RAB3GAP1: variants seen among roughly 807,000 people sequenced by gnomAD.
RAB3GAP1 encodes the protein rab3 GTPase-activating protein catalytic subunit.
Under a neutral mutation model 130.7 loss-of-function variants are expected in RAB3GAP1, and 86 were observed. The ratio of observed to expected loss-of-function variants is 0.66; its 90% CI spans 0.55 to 0.79. RAB3GAP1 has a LOEUF of 0.79. Ranked by LOEUF, RAB3GAP1 falls within the 30% of genes least tolerant of loss-of-function variation. The pLI is 0.00. For synonymous variants in RAB3GAP1, 367 were observed against 401.7 expected (o/e 0.91, Z 1.03); for missense variants, 1,029 against 1,169.4 (o/e 0.88, Z 1.75).
At chr2:135,161,472 TATTA>T (rs1223395700) in intron 19 of RAB3GAP1, among the ~76,000 whole-genome samples, 1 of 152,078 alleles carries the variant, frequency 6.6e-6, no homozygotes, top group African/African-American at 2.4e-5. Flanking sequence ...GTAAACAATA[TATTA>T]TTTAAGGCTA....
intron 19 of RAB3GAP1, among the ~76,000 whole-genome samples, chr2:135,155,818 T>C (rs1692295546): frequency 6.6e-6 from 1 of 151,040 alleles, no homozygotes; most frequent in Admixed American, 6.6e-5. Flanking sequence ...AAAAGTCAAA[T>C]CAAAAGAAAA....
At chr2:135,095,837 A>G (rs1690278017) in intron 5 of RAB3GAP1, among the ~76,000 whole-genome samples, 2 of 152,198 alleles carry the variant, frequency 1.3e-5, no homozygotes, top group Non-Finnish European at 2.9e-5. Flanking sequence ...CTTAGTAGTC[A>G]TCTTGGTTAT....
chr2:135,112,842 A>T lies in RAB3GAP1; in HGVS notation c.363-309A>T, dbSNP rs1286464147. Among the ~76,000 whole-genome samples the T allele has an allele frequency of 8.4e-3, 1,197 of 141,982 alleles. 15 individuals carry two copies. The highest frequency in any genetic ancestry group is 0.028 in the African/African-American group (1,109 of 39,116). The allele number at this position is 141,982 out of a possible 152,430, so 93.1% of individuals were successfully genotyped here. On this transcript the variant is annotated intron_variant, in intron 5 of 23. Transcript: ENST00000264158. ...CTCTCTCTCTCTCTCTCTCACACAC[A>T]CACACACACACACACACACACACAC...
chr2:135,171,468 T>G (rs548608306), downstream of RAB3GAP1, among the ~76,000 whole-genome samples: 1 of 152,276 alleles, frequency 6.6e-6, no homozygotes, highest in South Asian at 2.1e-4. Flanking sequence ...CAATGTGTTT[T>G]TTAATCCACC....
intron 17 of RAB3GAP1, among the ~76,000 whole-genome samples, chr2:135,147,225 A>G (rs1353580721): frequency 2.0e-5 from 3 of 152,014 alleles, no homozygotes; most frequent in Non-Finnish European, 4.4e-5. Context: ...GCATGTCTGT[A>G]GCCCCAGCAA....
intron 19 of RAB3GAP1, among the ~76,000 whole-genome samples, chr2:135,155,766 T>A (rs537424530): frequency 6.6e-6 from 1 of 151,602 alleles, no homozygotes; most frequent in African/African-American, 2.4e-5. Flanking sequence ...AACAAAAGGA[T>A]GAAAATAAAT....
chr2:135,108,219 T>C (rs1690689449), intron 5 of RAB3GAP1, among the ~76,000 whole-genome samples: 1 of 152,110 alleles, frequency 6.6e-6, no homozygotes, highest in Non-Finnish European at 1.5e-5. Context: ...ATATAGTATT[T>C]AGTATACATA....
chr2:135,072,522 CAA>C (rs1689504855), intron 3 of RAB3GAP1, among the ~76,000 whole-genome samples: 1 of 152,116 alleles, frequency 6.6e-6, no homozygotes, highest in South Asian at 2.1e-4. Context: ...TAGTTAGACA[CAA>C]CATAGGGAAC....
downstream of RAB3GAP1, among the ~76,000 whole-genome samples, chr2:135,172,515 A>G (rs1692882345): frequency 6.6e-6 from 1 of 151,974 alleles, no homozygotes; most frequent in African/African-American, 2.4e-5. Context: ...AACTAGTGAG[A>G]CGAGGGGAGG....
At chr2:135,162,300 T>C (rs1692484845) in intron 19 of RAB3GAP1, 1 of 435,062 alleles carries the variant, frequency 2.3e-6, no homozygotes, top group Non-Finnish European at 4.1e-6. Context: ...GTAGTTTTTA[T>C]TTTCTTTGTA....
Position 135,089,838 on chromosome 2 carries a change from A to G in RAB3GAP1, c.151-1160A>G, listed in dbSNP as rs1341858068. On this transcript the variant is annotated intron_variant, in intron 3 of 23. Transcript: ENST00000264158. The stretch of plus-strand genomic sequence containing the variant: ...TTCTCAGCACTCTTAACACGGGAAC[A>G]GAAAACCAAATGCTGCATGTTCTCA... 6 of 407,800 alleles carry G rather than the reference A, an allele frequency of 1.5e-5. No individual in the cohort carries two copies. In the Admixed American group the frequency reaches 1.6e-4, roughly 11 times the overall value. The allele number at this position is 407,800 out of a possible 1,614,324, so 25.3% of individuals were successfully genotyped here.
At chr2:135,127,345 GT>G (rs1691381720) in intron 11 of RAB3GAP1, among the ~76,000 whole-genome samples, 1 of 150,682 alleles carries the variant, frequency 6.6e-6, no homozygotes, top group South Asian at 2.1e-4. Context: ...TTGTTTGTTT[GT>G]TTGTTTGTTT....
chr2:135,117,796 CTTCTTCTTCTTCT>C (rs1291120387), intron 7 of RAB3GAP1, among the ~76,000 whole-genome samples: 4 of 150,860 alleles, frequency 2.7e-5, no homozygotes, highest in African/African-American at 9.9e-5. Flanking sequence ...GCTTCTTCTT[CTTCTTCTTCTTCT>C]TTCTTCTTCT....
At chr2:135,171,649 G>C (rs1411895101), downstream of RAB3GAP1, among the ~76,000 whole-genome samples, 3 of 152,118 alleles carry the variant, frequency 2.0e-5, no homozygotes, top group African/African-American at 7.2e-5. Flanking sequence ...CATTAGTCCA[G>C]CAAATGTTTA....
chr2:135,102,611 T>C (rs1033858967), intron 5 of RAB3GAP1, among the ~76,000 whole-genome samples: 12 of 152,212 alleles, frequency 7.9e-5, no homozygotes, highest in African/African-American at 2.7e-4. Flanking sequence ...TGTTGAGCGT[T>C]GTCTTTGGGT....
intron 7 of RAB3GAP1, among the ~76,000 whole-genome samples, chr2:135,119,356 C>T (rs918018141): frequency 2.6e-5 from 4 of 152,152 alleles, no homozygotes; most frequent in African/African-American, 7.2e-5. Flanking sequence ...ATGATCCACC[C>T]GCCTTGGCCT....
intron 3 of RAB3GAP1, among the ~76,000 whole-genome samples, chr2:135,086,923 A>G (rs1177040885): frequency 1.3e-5 from 2 of 152,078 alleles, no homozygotes; most frequent in African/African-American, 4.8e-5. Flanking sequence ...TGGACCTCCC[A>G]AAGAGCTGAG....
chr2:135,105,486 G>T (rs190796850), intron 5 of RAB3GAP1, among the ~76,000 whole-genome samples: 6,368 of 152,024 alleles, frequency 0.042, 160 homozygotes, highest in African/African-American at 0.055. Flanking sequence ...TGCCAGCCTC[G>T]GCCTCTGGAG....
At position 135,052,305 on chromosome 2, in the gene RAB3GAP1, AAGATGGCTGC is replaced by A; in HGVS notation, c.-2_8del. On this transcript the variant is annotated start_lost and 5_prime_UTR_variant, in exon 1 of 24. Coordinates refer to ENST00000264158, the MANE Select transcript of RAB3GAP1 (RefSeq NM_012233.3). ...CTTAGCGCCAGGCCCGGCGCTCCTC[AAGATGGCTGC>A]CGACAGTGAGGTGATTTCTTTGCTC... 6.2e-7 allele frequency: 1 copy of A among 1,613,536 alleles called. No individual in the cohort carries two copies. The highest frequency in any genetic ancestry group is 8.5e-7 in the Non-Finnish European group (1 of 1,180,016).
Sources: gnomAD v4.1 joint callset for allele counts (sites outside exome capture counted in the v4.1 genomes callset) on GRCh38, gnomAD v4.1.1 for gene constraint, MANE v1.5 for transcripts, NCBI Gene and HGNC (gene_info 2026-07-23, HGNC 2026-07-21) for gene names.